Variants in EPB41 observed in about 807,000 individuals in gnomAD.
EPB41 encodes erythrocyte membrane protein band 4.1, also known as protein 4.1.
Under a neutral mutation model 108.0 loss-of-function variants are expected in EPB41, and 65 were observed. That is an observed-to-expected ratio of 0.60 (90% confidence interval 0.49 to 0.74). The LOEUF (loss-of-function observed/expected upper bound fraction) is 0.74, where lower values mean the gene tolerates loss of function less well. EPB41 is among the 30% of genes least tolerant of loss of function. The pLI is 0.00. For missense variants in EPB41, 875 were observed against 1,037.0 expected, an observed-to-expected ratio of 0.84 and a Z score of 2.15; for synonymous variants, 336 against 358.9, an observed-to-expected ratio of 0.94 and a Z score of 0.72.
At chr1:28,997,982 A>T (rs951659597) in intron 4 of EPB41, among the ~76,000 whole-genome samples, 1 of 152,222 alleles carries the variant, frequency 6.6e-6, no homozygotes, top group Non-Finnish European at 1.5e-5. Context: ...AAATATAATG[A>T]TGAAAGCTTT....
Position 29,115,688 on chromosome 1 carries a change from G to C in EPB41, c.2497-11G>C, listed in dbSNP as rs757825744. ...TTTCTGCCTCATTGCCCTTGTTTCT[G>C]TCTTTTGTAGGTCCTTGTACAAGCC... On this transcript the variant is annotated splice_polypyrimidine_tract_variant and intron_variant, in intron 19 of 20. Coordinates refer to ENST00000343067, the MANE Select transcript of EPB41 (RefSeq NM_001376013.1). The surrounding 1 kb of genome is among the most constrained non-coding windows in gnomAD (Gnocchi z 4.4). 8.1e-6 allele frequency: 13 copies of C among 1,612,636 alleles called. No individual in the cohort carries two copies. Among genetic ancestry groups the C allele is most frequent in the Non-Finnish European group, 1.1e-5 (13 of 1,178,856 alleles).
Position 29,008,505 on chromosome 1 carries a change from A to G in EPB41, c.787-3360A>G, listed in dbSNP as rs1266035732. On this transcript the variant is annotated intron_variant, in intron 4 of 20. Transcript: ENST00000343067. ...ACACAGCTGCTAAATGGTAGAGAGG[A>G]TGAGGCAGGATTGGAATTCAAGACT... 3.9e-5 allele frequency among the ~76,000 whole-genome samples: 6 copies of G among 152,302 alleles called. No homozygotes were observed. The East Asian group carries it at 9.6e-4, about 24-fold the overall frequency.
At chr1:29,075,893 T>G (rs1653851801) in intron 16 of EPB41, among the ~76,000 whole-genome samples, 1 of 152,220 alleles carries the variant, frequency 6.6e-6, no homozygotes. Context: ...TTCCAGTGCT[T>G]GACTCTTCTC....
intron 4 of EPB41, among the ~76,000 whole-genome samples, chr1:28,999,791 C>CT (rs926227573): frequency 8.7e-5 from 13 of 148,988 alleles, no homozygotes; most frequent in East Asian, 2.0e-4. Flanking sequence ...GTGGTTTTCA[C>CT]TTTTTTTTTT....
chr1:29,006,537 A>G (rs868008064), intron 4 of EPB41, among the ~76,000 whole-genome samples: 4 of 152,106 alleles, frequency 2.6e-5, no homozygotes, highest in African/African-American at 9.6e-5. Context: ...GCGCCCGGCC[A>G]AAGAATTTTT....
At chr1:28,946,484 A>G (rs1485394344) in intron 1 of EPB41, among the ~76,000 whole-genome samples, 2 of 152,246 alleles carry the variant, frequency 1.3e-5, no homozygotes, top group Non-Finnish European at 2.9e-5. Context: ...ATGTGGATGT[A>G]AACAATTTAG....
intron 1 of EPB41, among the ~76,000 whole-genome samples, chr1:28,963,344 C>CGTGTGTGTGTGTGT (rs57558766): frequency 7.7e-4 from 112 of 146,320 alleles, no homozygotes; most frequent in African/African-American, 2.6e-3. Context: ...AAATCAGAAT[C>CGTGTGTGTGTGTGT]GTGTGTGTGT....
intron 16 of EPB41, among the ~76,000 whole-genome samples, chr1:29,091,148 C>A (rs1439547024): frequency 2.0e-5 from 3 of 152,130 alleles, no homozygotes; most frequent in African/African-American, 7.2e-5. Flanking sequence ...TGGTGCTGGC[C>A]TAAGTAATGT....
intron 4 of EPB41, among the ~76,000 whole-genome samples, chr1:29,002,979 C>G (rs1408211642): frequency 6.6e-6 from 1 of 152,220 alleles, no homozygotes; most frequent in Non-Finnish European, 1.5e-5. Context: ...CATCTACCCA[C>G]TTCCTTTAGG....
At chr1:29,040,905 G>T (rs1417653091) in intron 11 of EPB41, among the ~76,000 whole-genome samples, 5 of 152,066 alleles carry the variant, frequency 3.3e-5, no homozygotes, top group African/African-American at 1.2e-4. Flanking sequence ...GGAGGCCAAG[G>T]TGGATGGATC....
At chr1:28,952,050 G>A (rs990367305) in intron 1 of EPB41, among the ~76,000 whole-genome samples, 1 of 152,086 alleles carries the variant, frequency 6.6e-6, no homozygotes, top group Non-Finnish European at 1.5e-5. Context: ...AATTCATATT[G>A]GGGATATAAG....
In EPB41 at chr1:29,104,508, T is replaced by C. The variant is rs548508204; in HGVS notation, c.2314-4828T>C. ...ACAGTTCACTGCAGCCTCGACCTTT[T>C]GGGCTCAAGTGATCCTCCCACCTCA... On this transcript the variant is annotated intron_variant, in intron 17 of 20. Transcript: ENST00000343067. Among the ~76,000 whole-genome samples, 53 of 152,266 alleles carry C rather than the reference T, an allele frequency of 3.5e-4. 1 individual carries two copies. In the South Asian group the frequency reaches 0.011, roughly 32 times the overall value.
chr1:29,070,288 A>G (rs1444816557), intron 16 of EPB41: 2 of 1,066,042 alleles, frequency 1.9e-6, no homozygotes, highest in Admixed American at 4.3e-5. Flanking sequence ...ATCCCCAAGT[A>G]TCATTTTTGA....
intron 17 of EPB41, among the ~76,000 whole-genome samples, chr1:29,107,164 A>G (rs1667494178): frequency 6.6e-6 from 1 of 151,700 alleles, no homozygotes; most frequent in African/African-American, 2.4e-5. Context: ...GCCTGGGGAA[A>G]AAGCAAAACT....
chr1:29,098,431 G>C (rs1175811237), intron 17 of EPB41, among the ~76,000 whole-genome samples: 1 of 152,186 alleles, frequency 6.6e-6, no homozygotes, highest in Non-Finnish European at 1.5e-5. Flanking sequence ...CGCTGACCTC[G>C]TGATCCGCCT....
intron 1 of EPB41, among the ~76,000 whole-genome samples, chr1:28,905,209 G>A (rs911024001): frequency 4.1e-4 from 60 of 147,170 alleles, no homozygotes; most frequent in African/African-American, 1.4e-3. Flanking sequence ...AAAAAGAAGA[G>A]ACATCAGCTG....
At chr1:28,920,790 AC>A (rs1444500860) in intron 1 of EPB41, among the ~76,000 whole-genome samples, 4 of 152,016 alleles carry the variant, frequency 2.6e-5, no homozygotes, top group Admixed American at 6.6e-5. Flanking sequence ...CAGGCTCCAC[AC>A]CTGGCTGATT....
rs1558302957 is a variant in EPB41, at chr1:29,097,837, A to G, written c.2215A>G (p.Ile739Val). The change falls in exon 17 of 21, where the codon ATC (isoleucine) becomes GTC (valine). Residue 739 changes from isoleucine (I) to valine (V), a missense_variant. Ile to Val is a conservative substitution (Grantham distance 29, BLOSUM62 3). Coordinates refer to ENST00000343067, the MANE Select transcript of EPB41 (RefSeq NM_001376013.1). ...CCTGGTGAAGACACAAACTGTCACC[A>G]TCTCAGATAATGCCAATGCTGTGAA... ...PPLVKTQTVT[I>V]SDNANAVKSE... 1 of 1,614,054 alleles carries G rather than the reference A, an allele frequency of 6.2e-7. No homozygotes were observed. The highest frequency in any genetic ancestry group is 8.5e-7 in the Non-Finnish European group (1 of 1,179,910).
Position 29,097,768 on chromosome 1 carries a change from C to G in EPB41, c.2185-39C>G, listed in dbSNP as rs752566487. 6 of 1,611,136 alleles carry G rather than the reference C, an allele frequency of 3.7e-6. No individual in the cohort carries two copies. In the African/African-American group the frequency reaches 6.7e-5, roughly 18 times the overall value. On this transcript the variant is annotated intron_variant, in intron 16 of 20. Transcript: ENST00000343067. ...CAGAAGATTACTTCTCCATTGCCTTCAGAAATACTCTAGTAACTCTTTCCT... is the reference window on the plus strand; with the variant it reads ...CAGAAGATTACTTCTCCATTGCCTTGAGAAATACTCTAGTAACTCTTTCCT...
Sources: gnomAD v4.1 joint callset for allele counts (sites outside exome capture counted in the v4.1 genomes callset) on GRCh38, gnomAD v4.1.1 for gene constraint, Gnocchi (gnomAD v3.1) non-coding constraint, MANE v1.5 for transcripts, NCBI Gene and HGNC (gene_info 2026-07-23, HGNC 2026-07-21) for gene names.